SCGB2B2: variants seen among roughly 807,000 people sequenced by gnomAD.
SCGB2B2 encodes the protein secretoglobin family 2B member 2.
SCGB2B2 carries 11 observed loss-of-function variants against 7.6 expected under a neutral mutation model. The ratio of observed to expected loss-of-function variants is 1.45; its 90% CI spans 0.91 to 2.40. The LOEUF is 2.40. Ranked by LOEUF, SCGB2B2 falls within the 30% of genes most tolerant of loss-of-function variation. The probability of loss-of-function intolerance (pLI) is 0.00; values close to 1 mark genes in which losing one functional copy is unlikely to be tolerated. For missense variants in SCGB2B2, 104 were observed against 115.4 expected (o/e 0.90, Z 0.45); for synonymous variants, 50 against 48.6 (o/e 1.03, Z -0.12).
At chr19:34,637,932 G>A (rs545532954) in intron 1 of SCGB2B2, among the ~76,000 whole-genome samples, 50 of 152,320 alleles carry the variant, frequency 3.3e-4, no homozygotes, top group Non-Finnish European at 7.1e-4. Flanking sequence ...TAGGTAAGCT[G>A]AGGCTGTGAC....
At chr19:34,632,728 G>A (rs779669234) in intron 1 of SCGB2B2, 9 of 152,212 alleles carry the variant, frequency 5.9e-5, no homozygotes, top group Non-Finnish European at 1.0e-4. Context: ...CCTGTAAGTT[G>A]GTGTGCTTAT....
rs557566485 is a variant in SCGB2B2, at chr19:34,610,994, C to T, written c.-2031-14400G>A. On this transcript the variant is annotated intron_variant, in intron 1 of 3. Transcript: ENST00000601241. ...AGATATTTTATTAGAGATTCAATCTCATTACTTGCAATTGCTCAATTCAGG... is the reference window on the plus strand; with the variant it reads ...AGATATTTTATTAGAGATTCAATCTTATTACTTGCAATTGCTCAATTCAGG... 1.7e-3 allele frequency among the ~76,000 whole-genome samples: 255 copies of T among 152,102 alleles called. 1 individual carries two copies. The highest frequency in any genetic ancestry group is 5.7e-3 in the African/African-American group (235 of 41,542).
rs559747559 is a variant in SCGB2B2, at chr19:34,611,073, A to C, written c.-2031-14479T>G. Among the ~76,000 whole-genome samples, 64 of 152,212 alleles carry C rather than the reference A, an allele frequency of 4.2e-4. 1 individual carries two copies. The highest frequency in any genetic ancestry group is 1.5e-3 in the African/African-American group (62 of 41,570). On this transcript the variant is annotated intron_variant, in intron 1 of 3. Transcript: ENST00000601241. ...GTAAATTTTATGTGTCCAATAATTT[A>C]CATATTTTCTGGTTGGTTTTCTAAT... is the stretch of plus-strand genomic sequence containing the variant.
chr19:34,612,019 ATTCTTTT>A (rs2065943661), intron 1 of SCGB2B2, among the ~76,000 whole-genome samples: 1 of 43,044 alleles, frequency 2.3e-5, no homozygotes. Context: ...GTTTTAGAAA[ATTCTTTT>A]TTTTTTTTTT....
chr19:34,670,781 T>C (rs576227446), intron 1 of SCGB2B2, among the ~76,000 whole-genome samples: 1 of 152,344 alleles, frequency 6.6e-6, no homozygotes, highest in South Asian at 2.1e-4. Context: ...ATGTTTTTGG[T>C]GTATATTTCA....
rs575399255 is a variant in SCGB2B2 at position 34,592,919 on chromosome 19, T to C, written c.*636A>G. ...CAGCATCCCGAGTCCTGGGGAGCCC[T>C]GGAGGTTCTGCATTGAGGGGTTGTG... is the stretch of plus-strand genomic sequence containing the variant. On this transcript the variant is annotated 3_prime_UTR_variant, in exon 4 of 4. Coordinates refer to ENST00000601241, the MANE Select transcript of SCGB2B2 (RefSeq NM_001025591.4). 6.6e-6 allele frequency among the ~76,000 whole-genome samples: 1 copy of C among 152,000 alleles called. No homozygotes were observed. Among genetic ancestry groups the C allele is most frequent in the South Asian group, 2.1e-4 (1 of 4,806 alleles).
chr19:34,673,369 G>A (rs2067847441), intron 1 of SCGB2B2, among the ~76,000 whole-genome samples: 1 of 152,072 alleles, frequency 6.6e-6, no homozygotes, highest in African/African-American at 2.4e-5. Flanking sequence ...TAACCTTTCT[G>A]CTAACAATGC....
intron 1 of SCGB2B2, among the ~76,000 whole-genome samples, chr19:34,646,999 C>G (rs2067034378): frequency 6.6e-6 from 1 of 152,148 alleles, no homozygotes; most frequent in Admixed American, 6.5e-5. Context: ...CTCTCTACCC[C>G]CAGCACAACC....
chr19:34,604,615 A>C (rs1482522988), intron 1 of SCGB2B2, among the ~76,000 whole-genome samples: 1 of 152,228 alleles, frequency 6.6e-6, no homozygotes, highest in Non-Finnish European at 1.5e-5. Flanking sequence ...CTTTCTATAG[A>C]TATGAAGAGT....
At chr19:34,608,687 C>CTATATATATATATATATAGA in intron 1 of SCGB2B2, 1 of 40,096 alleles carries the variant, frequency 2.5e-5, no homozygotes, top group East Asian at 9.9e-4. Flanking sequence ...ATATATATAC[C>CTATATATATATATATATAGA]GTATTTTCTT....
chr19:34,618,910 A>G (rs1452549187), intron 1 of SCGB2B2, among the ~76,000 whole-genome samples: 1 of 152,234 alleles, frequency 6.6e-6, no homozygotes, highest in African/African-American at 2.4e-5. Context: ...CCTAAAATCT[A>G]ATGGCTATAA....
rs1179307578 is a variant in SCGB2B2, at chr19:34,626,422, T to C, written c.-2031-29828A>G. On this transcript the variant is annotated intron_variant, in intron 1 of 3. Transcript: ENST00000601241. Reference sequence around the variant, plus strand: ...GCAGAGAAGTCCTTAAAGGACCTGATGGAGCTGAAAACCACGGCATGAGAA... The same window carrying C: ...GCAGAGAAGTCCTTAAAGGACCTGACGGAGCTGAAAACCACGGCATGAGAA... Among the ~76,000 whole-genome samples, 4 of 152,224 alleles carry C rather than the reference T, an allele frequency of 2.6e-5. No individual in the cohort carries two copies. The South Asian group carries it at 6.2e-4, about 24-fold the overall frequency.
rs992616989 is a variant in SCGB2B2 at position 34,595,854 on chromosome 19, G to A, written c.-1291C>T. 6.6e-6 allele frequency: 1 copy of A among 152,338 alleles called. No homozygotes were observed. Among genetic ancestry groups the A allele is most frequent in the Non-Finnish European group, 1.5e-5 (1 of 68,112 alleles). 9.4% of individuals were successfully genotyped at this position (152,338 alleles called of 1,614,324 possible). On this transcript the variant is annotated 5_prime_UTR_variant, in exon 2 of 4. Coordinates refer to ENST00000601241, the MANE Select transcript of SCGB2B2 (RefSeq NM_001025591.4). ...TGGGGAAGGCAGCAGGGATGCTGAC[G>A]CTTGTACACTCGGGTGCCAGTGCCG...
rs1188734742 is a variant in SCGB2B2 at position 34,594,524 on chromosome 19, G to C, written c.40C>G (p.Leu14Val). The change falls in exon 2 of 4, where the codon CTG becomes GTG. Residue 14 changes from leucine to valine, a missense_variant. Coordinates refer to ENST00000601241, the MANE Select transcript of SCGB2B2 (RefSeq NM_001025591.4). ...TSATCALLLALICSVQLGDAC... is the reference protein window; with the variant it reads ...TSATCALLLAVICSVQLGDAC... Reference sequence around the variant, plus strand: ...TTACCCAGCTGGACGCTGCAGATCAGAGCCAGCAGAAGAGCACAGGTGGCG... The same window carrying C: ...TTACCCAGCTGGACGCTGCAGATCACAGCCAGCAGAAGAGCACAGGTGGCG... The C allele has an allele frequency of 4.3e-6, 7 of 1,613,588 alleles. No homozygotes were observed. The highest frequency in any genetic ancestry group is 5.9e-6 in the Non-Finnish European group (7 of 1,179,994).
chr19:34,610,882 C>T (rs12976120), intron 1 of SCGB2B2, among the ~76,000 whole-genome samples: 69,150 of 151,384 alleles, frequency 0.46, 16,326 homozygotes, highest in East Asian at 0.56. Flanking sequence ...TTGGAAGACT[C>T]TGAGAAGAAC....
chr19:34,663,107 C>T (rs2067511044), intron 1 of SCGB2B2, among the ~76,000 whole-genome samples: 1 of 152,230 alleles, frequency 6.6e-6, no homozygotes, highest in East Asian at 1.9e-4. Flanking sequence ...ACCTGCCTAC[C>T]AGATGGTTCA....
intron 1 of SCGB2B2, among the ~76,000 whole-genome samples, chr19:34,620,151 ATCTTT>A (rs2066199521): frequency 6.6e-6 from 1 of 152,164 alleles, no homozygotes. Context: ...CAATATAATA[ATCTTT>A]TCTTAATTGG....
intron 1 of SCGB2B2, chr19:34,608,588 A>G (rs992075288): frequency 1.4e-5 from 2 of 147,924 alleles, no homozygotes; most frequent in South Asian, 2.2e-4. Flanking sequence ...CACATAACAC[A>G]ATGGCTCCAA....
At chr19:34,585,608 T>C in the SCGB2B2 span, among the ~76,000 whole-genome samples, 31 of 152,340 alleles carry the variant, frequency 2.0e-4, no homozygotes, top group East Asian at 5.8e-4. Flanking sequence ...AATGATCTCA[T>C]TGAAGGCTCA....
Sources: gnomAD v4.1 joint callset for allele counts (sites outside exome capture counted in the v4.1 genomes callset) on GRCh38, gnomAD v4.1.1 for gene constraint, MANE v1.5 for transcripts, NCBI Gene and HGNC (gene_info 2026-07-23, HGNC 2026-07-21) for gene names.